Variants in WDR75 observed in about 807,000 individuals in gnomAD.
WDR75 encodes the protein WD repeat domain 75, also known as WD repeat-containing protein 75.
In WDR75, 52 loss-of-function variants were observed where a neutral mutation model predicts 106.1. The observed-to-expected ratio is 0.49, with a 90% CI of 0.39 to 0.62. The LOEUF is 0.62. Among genes scored for constraint, WDR75 ranks in the 20% least tolerant of loss-of-function variants. WDR75 has a pLI of 0.00. For missense variants in WDR75, 905 were observed against 970.3 expected, an observed-to-expected ratio of 0.93 and a Z score of 0.89; for synonymous variants, 333 against 335.5, an observed-to-expected ratio of 0.99 and a Z score of 0.08.
rs1687083371 is a variant in WDR75 at position 189,469,934 on chromosome 2, C to G, written c.1820-142C>G. ...CATAGTAGGAACACAGTAGATACCT[C>G]TTGAATCAAAGCCTAAAACAGTCAT... On this transcript the variant is annotated intron_variant, in intron 16 of 20. Transcript: ENST00000314761. 16 of 715,466 alleles carry G rather than the reference C, an allele frequency of 2.2e-5. No individual in the cohort carries two copies. In the East Asian group the frequency reaches 4.2e-4, roughly 19 times the overall value. The allele number at this position is 715,466 out of a possible 1,614,324, so 44.3% of individuals were successfully genotyped here.
At chr2:189,467,730 C>T in intron 14 of WDR75, 82 bp downstream of exon 14, 5 of 1,327,258 alleles carry the variant, frequency 3.8e-6, no homozygotes, top group Non-Finnish European at 4.0e-6. Flanking sequence ...TCATTTATGC[C>T]CTCTCCAAAA....
At chr2:189,451,043 T>A (rs1574190029) in intron 3 of WDR75, 75 bp downstream of exon 3, 6 of 1,475,438 alleles carry the variant, frequency 4.1e-6, no homozygotes, top group East Asian at 5.1e-5. Context: ...ATGTACTGTT[T>A]CTATAAGGCC....
chr2:189,465,589 G>A (rs943241735), intron 12 of WDR75, among the ~76,000 whole-genome samples: 2 of 152,146 alleles, frequency 1.3e-5, no homozygotes, highest in Admixed American at 6.5e-5. Context: ...AAGAGGGAGT[G>A]TAGGTAGAAG....
chr2:189,449,084 C>T (rs1250207152), intron 2 of WDR75, among the ~76,000 whole-genome samples: 3 of 152,100 alleles, frequency 2.0e-5, no homozygotes, highest in Non-Finnish European at 4.4e-5. Context: ...CCAGATTTTC[C>T]CACGTCCCCC....
At chr2:189,448,859 A>G (rs1686556614) in intron 2 of WDR75, 2 of 475,050 alleles carry the variant, frequency 4.2e-6, no homozygotes, top group Admixed American at 4.7e-5. Context: ...GTGTTTCTCA[A>G]ACTTACTTGA....
rs375185814 is a variant in WDR75 at position 189,462,563 on chromosome 2, C to T, written c.858C>T (p.Leu286=). The change falls in exon 9 of 21, where the codon CTC becomes CTT. Residue 286 remains leucine, a synonymous_variant. Transcript: ENST00000314761. ...CAACAGAGAAGAATAAGGAGTTTCTCCCGCGTTTAGGAGCTACTATTGAAC... is the reference window on the plus strand; with the variant it reads ...CAACAGAGAAGAATAAGGAGTTTCTTCCGCGTTTAGGAGCTACTATTGAAC... ...RDATEKNKEF[L]PRLGATIEHI... is the part of the protein sequence containing the mutation. 3 of 1,613,896 alleles carry T rather than the reference C, an allele frequency of 1.9e-6. No individual in the cohort carries two copies. Among genetic ancestry groups the T allele is most frequent in the African/African-American group, 1.3e-5 (1 of 74,880 alleles).
At position 189,470,842 on chromosome 2, in the gene WDR75, G is replaced by A. The variant is rs1444346465; in HGVS notation, c.2013G>A (p.Lys671=). The A allele has an allele frequency of 6.3e-7, 1 of 1,594,732 alleles. No homozygotes were observed. Among genetic ancestry groups the A allele is most frequent in the South Asian group, 1.1e-5 (1 of 88,122 alleles). ...KSQSLLTFST[K]SPEEKLTPTS... Reference sequence around the variant, plus strand: ...AGAGTTTATTGACATTCAGTACAAAGTCTCCAGAAGAAAAACTCACACCAA... The same window carrying A: ...AGAGTTTATTGACATTCAGTACAAAATCTCCAGAAGAAAAACTCACACCAA... Residue 671 remains lysine, a synonymous_variant, in exon 18 of 21, where the codon AAG becomes AAA. Coordinates refer to ENST00000314761, the MANE Select transcript of WDR75 (RefSeq NM_032168.3).
intron 12 of WDR75, among the ~76,000 whole-genome samples, chr2:189,465,655 G>A (rs6757248): frequency 1.2e-4 from 19 of 152,072 alleles, no homozygotes; most frequent in Non-Finnish European, 2.6e-4. Flanking sequence ...ATCCACTCTC[G>A]TACTGTGGCT....
chr2:189,470,728 T>A lies in WDR75; in HGVS notation c.1990-91T>A, dbSNP rs931368835. Reference sequence around the variant, plus strand: ...AAATATATATATCAAAGTGAAAAATTTGACCTTCTCATTTTTTAACACCCT... The same window carrying A: ...AAATATATATATCAAAGTGAAAAATATGACCTTCTCATTTTTTAACACCCT... On this transcript the variant is annotated intron_variant, in intron 17 of 20. Transcript: ENST00000314761. 1.6e-5 allele frequency: 14 copies of A among 860,608 alleles called. No homozygotes were observed. The African/African-American group carries it at 2.5e-4, about 15-fold the overall frequency. The allele number at this position is 860,608 out of a possible 1,614,324, so 53.3% of individuals were successfully genotyped here. A position where few individuals can be genotyped will look rare whatever the true frequency, so the allele number is the denominator to read the frequency against.
At position 189,466,453 on chromosome 2, in the gene WDR75, C is replaced by A; in HGVS notation, c.1318C>A (p.Pro440Thr). 1 of 1,612,552 alleles carries A rather than the reference C, an allele frequency of 6.2e-7. No individual in the cohort carries two copies. The highest frequency in any genetic ancestry group is 8.5e-7 in the Non-Finnish European group (1 of 1,179,174). Residue 440 changes from proline (P) to threonine (T), a missense_variant, in exon 13 of 21, where the codon CCA (proline) becomes ACA (threonine). Physicochemically the swap from Pro to Thr is conservative, Grantham distance 38. Coordinates refer to ENST00000314761, the MANE Select transcript of WDR75 (RefSeq NM_032168.3). Reference sequence around the variant, plus strand: ...TATTCTTAACACTAAAATTAACATGCCACACGAAGACTGCATTACAGCTCT... The same window carrying A: ...TATTCTTAACACTAAAATTAACATGACACACGAAGACTGCATTACAGCTCT... ...GFILNTKINM[P>T]HEDCITALCF...
intron 16 of WDR75, 40 bp downstream of exon 16, chr2:189,469,479 G>T: frequency 1.3e-6 from 2 of 1,503,250 alleles, no homozygotes; most frequent in South Asian, 2.3e-5. Context: ...GAACATCTAT[G>T]ACCTAAGTTT....
At chr2:189,447,662 C>A (rs371973008) in intron 1 of WDR75, among the ~76,000 whole-genome samples, 1 of 152,140 alleles carries the variant, frequency 6.6e-6, no homozygotes, top group South Asian at 2.1e-4. Context: ...TACAAACAGT[C>A]AAGAGATATG....
In WDR75 at chr2:189,453,153, G is replaced by A. The variant is rs533460916; in HGVS notation, c.373+1258G>A. On this transcript the variant is annotated intron_variant, in intron 4 of 20. Transcript: ENST00000314761. ...TTCTTAAAAATAATTAAGTCATCTT[G>A]CCAGATGACTGCTTCAAACATAGCA... 2.0e-5 allele frequency among the ~76,000 whole-genome samples: 3 copies of A among 152,274 alleles called. No individual in the cohort carries two copies. In the East Asian group the frequency reaches 5.8e-4, roughly 29 times the overall value.
At chr2:189,458,558 A>G (rs111326099) in intron 6 of WDR75, among the ~76,000 whole-genome samples, 195 bp from the exon 7 acceptor site, 9,846 of 152,184 alleles carry the variant, frequency 0.065, 488 homozygotes, top group African/African-American at 0.14. Context: ...TTGTATATTG[A>G]TATATGTTTA....
chr2:189,455,269 T>A, intron 4 of WDR75, 51 bp from the exon 5 acceptor site: 1 of 1,578,436 alleles, frequency 6.3e-7, no homozygotes, highest in South Asian at 1.2e-5. Context: ...TCCTTACACA[T>A]GTTTGCTCTC....
chr2:189,450,169 A>G (rs1686586860), intron 2 of WDR75: 2 of 974,506 alleles, frequency 2.1e-6, no homozygotes, highest in South Asian at 4.7e-5. Context: ...TTTCTATTGT[A>G]TTTTATGAAA....
intron 4 of WDR75, among the ~76,000 whole-genome samples, chr2:189,454,987 A>T (rs977812579): frequency 5.9e-5 from 9 of 152,104 alleles, no homozygotes; most frequent in African/African-American, 2.2e-4. Context: ...CCTCACACCT[A>T]TAATAGCAAT....
chr2:189,466,276 G>A (rs1407344894), intron 12 of WDR75, 149 bp from the exon 13 acceptor site: 15 of 839,458 alleles, frequency 1.8e-5, no homozygotes, highest in Non-Finnish European at 2.7e-5. Flanking sequence ...GGCCATTAGA[G>A]GTAGAGCACT....
intron 15 of WDR75, among the ~76,000 whole-genome samples, chr2:189,468,875 G>A (rs1352761110): frequency 6.6e-6 from 1 of 152,034 alleles, no homozygotes; most frequent in Non-Finnish European, 1.5e-5. Context: ...AATGTTTTCT[G>A]CTCATTTTTA....
Sources: gnomAD v4.1 joint callset for allele counts (sites outside exome capture counted in the v4.1 genomes callset) on GRCh38, gnomAD v4.1.1 for gene constraint, MANE v1.5 for transcripts, NCBI Gene and HGNC (gene_info 2026-07-23, HGNC 2026-07-21) for gene names.